The following CPAMD8 variants were observed in gnomAD, a reference collection of about 807,000 sequenced individuals.
The protein encoded by CPAMD8 is C3 and PZP-like alpha-2-macroglobulin domain-containing protein 8.
In CPAMD8, 146 loss-of-function variants were observed where a neutral mutation model predicts 224.7. The ratio of observed to expected loss-of-function variants is 0.65; its 90% CI spans 0.57 to 0.75. CPAMD8 has a LOEUF of 0.75. CPAMD8 is among the 30% of genes least tolerant of loss of function. CPAMD8 has a pLI of 0.00. For missense variants in CPAMD8, 2,301 were observed against 2,537.5 expected, an observed-to-expected ratio of 0.91 and a Z score of 2.00; for synonymous variants, 966 against 1,044.6, an observed-to-expected ratio of 0.92 and a Z score of 1.45.
chr19:16,968,174 C>T (rs1163736534), intron 18 of CPAMD8, among the ~76,000 whole-genome samples: 1 of 152,040 alleles, frequency 6.6e-6, no homozygotes, highest in African/African-American at 2.4e-5. Flanking sequence ...GGCCCTGGGG[C>T]CAGCATTCCA....
intron 7 of CPAMD8, among the ~76,000 whole-genome samples, chr19:17,006,743 CTTCT>C (rs1264114557): frequency 6.6e-6 from 1 of 152,042 alleles, no homozygotes; most frequent in Non-Finnish European, 1.5e-5. Context: ...TCCCCCGTTC[CTTCT>C]TTGTTGCTGA....
intron 18 of CPAMD8, among the ~76,000 whole-genome samples, chr19:16,970,097 C>T (rs1439194108): frequency 2.7e-5 from 4 of 147,112 alleles, no homozygotes; most frequent in Non-Finnish European, 4.5e-5. Flanking sequence ...AAAAAATTAG[C>T]GGGGTGTGGC....
intron 3 of CPAMD8, among the ~76,000 whole-genome samples, chr19:17,016,477 T>C (rs904614215): frequency 2.0e-5 from 3 of 152,148 alleles, no homozygotes; most frequent in African/African-American, 7.2e-5. Context: ...AAAGCAGATC[T>C]AGGCTGGGTG....
At chr19:16,943,777 A>C (rs2053982639) in intron 22 of CPAMD8, among the ~76,000 whole-genome samples, 3 of 152,134 alleles carry the variant, frequency 2.0e-5, no homozygotes, top group Non-Finnish European at 4.4e-5. Flanking sequence ...GCCAGATACC[A>C]TGAGAGGCTT....
intron 5 of CPAMD8, among the ~76,000 whole-genome samples, chr19:17,010,242 GT>G (rs1334425431): frequency 1.3e-5 from 2 of 149,894 alleles, no homozygotes; most frequent in African/African-American, 4.9e-5. Flanking sequence ...TTGGTTTTTC[GT>G]TTTTTGTAGA....
At position 16,898,139 on chromosome 19, in the gene CPAMD8, C is replaced by CT; in HGVS notation, c.4849-146dup. 3 of 584,974 alleles carry CT rather than the reference C, an allele frequency of 5.1e-6. No homozygotes were observed. Among genetic ancestry groups the CT allele is most frequent in the South Asian group, 2.2e-5 (1 of 46,292 alleles). 36.2% of individuals were successfully genotyped at this position (584,974 alleles called of 1,614,324 possible). ...GATCCCATTTTCTTTTTTTCTTTTA[C>CT]TTTTCTTTTTTTTTTTTTTTCCTGA... On this transcript the variant is annotated intron_variant, in intron 37 of 41. Coordinates refer to ENST00000443236, the MANE Select transcript of CPAMD8 (RefSeq NM_015692.5). This position sits in a 1 kb window ranked among gnomAD's most constrained non-coding sequence, Gnocchi z 4.2.
At chr19:17,025,673 T>TC (rs1234587948) in intron 1 of CPAMD8, among the ~76,000 whole-genome samples, 3 of 151,190 alleles carry the variant, frequency 2.0e-5, no homozygotes, top group Admixed American at 6.6e-5. Flanking sequence ...GAGACAAAAA[T>TC]CCCCCCCAGG....
rs1585159 is a variant in CPAMD8, at chr19:16,935,327, A to T, written c.2845+3068T>A. On this transcript the variant is annotated intron_variant, in intron 23 of 41. Transcript: ENST00000443236. ...TTTTATCACATATGTAGGTACACGA[A>T]TCCACTACCACAGTCAAGGTACTAA... Among the ~76,000 whole-genome samples, 417 of 152,262 alleles carry T rather than the reference A, an allele frequency of 2.7e-3. 2 individuals are homozygous for T. The highest frequency in any genetic ancestry group is 9.8e-3 in the African/African-American group (406 of 41,558).
chr19:16,946,995 C>G, intron 21 of CPAMD8, 79 bp downstream of exon 21: 1 of 1,450,790 alleles, frequency 6.9e-7, no homozygotes, highest in East Asian at 2.4e-5. Context: ...ATCCACCCCT[C>G]ATCCCCAACT....
At chr19:16,947,555 C>T (rs549960157) in intron 20 of CPAMD8, among the ~76,000 whole-genome samples, 1 of 152,314 alleles carries the variant, frequency 6.6e-6, no homozygotes, top group Admixed American at 6.5e-5. Flanking sequence ...CATGTCCATC[C>T]ACTCCGGGAC....
chr19:16,896,601 G>C lies in CPAMD8; in HGVS notation c.5130C>G (p.Cys1710Trp), dbSNP rs2052005085. The change falls in exon 40 of 42, where the codon TGC (cysteine) becomes TGG (tryptophan). Residue 1710 changes from cysteine to tryptophan, a missense_variant. Physicochemically the swap from Cys to Trp is radical, Grantham distance 215 (BLOSUM62 -2). Coordinates refer to ENST00000443236, the MANE Select transcript of CPAMD8 (RefSeq NM_015692.5). ...GGGCGCCGCAGTCGTGGTCGCAGCCGCATCGCGCGATCGCCGCCCCCTCCT... is the reference window on the plus strand; with the variant it reads ...GGGCGCCGCAGTCGTGGTCGCAGCCCCATCGCGCGATCGCCGCCCCCTCCT... ...APEEGAAIARCGCDHDCGAQG... is the reference protein window; with the variant it reads ...APEEGAAIARWGCDHDCGAQG... The C allele has an allele frequency of 1.3e-6, 2 of 1,506,180 alleles. No homozygotes were observed. Among genetic ancestry groups the C allele is most frequent in the Non-Finnish European group, 1.8e-6 (2 of 1,133,256 alleles). The allele number at this position is 1,506,180 out of a possible 1,614,324, so 93.3% of individuals were successfully genotyped here.
chr19:16,904,176 A>AGGCCCCCCCCCCCCCCCCCCC, intron 32 of CPAMD8, 50 bp downstream of exon 32: 1 of 937,334 alleles, frequency 1.1e-6, no homozygotes, highest in Non-Finnish European at 1.7e-6. Flanking sequence ...GACTGCAGGG[A>AGGCCCCCCCCCCCCCCCCCCC]CCCCACCCAC....
At chr19:16,933,368 G>C (rs1384573541) in intron 23 of CPAMD8, among the ~76,000 whole-genome samples, 1 of 152,086 alleles carries the variant, frequency 6.6e-6, no homozygotes, top group Non-Finnish European at 1.5e-5. Flanking sequence ...CTTCTCAAAA[G>C]ATATAATTAA....
At chr19:16,902,331 A>C (rs1454865743) in intron 35 of CPAMD8, among the ~76,000 whole-genome samples, 1 of 152,128 alleles carries the variant, frequency 6.6e-6, no homozygotes, top group East Asian at 1.9e-4. Context: ...CCTGGCCAAC[A>C]TGGTGAAACC....
intron 36 of CPAMD8, 127 bp downstream of exon 36, chr19:16,901,083 G>C (rs1192955172): frequency 1.7e-6 from 1 of 604,926 alleles, no homozygotes; most frequent in Admixed American, 3.2e-5. Flanking sequence ...GAGAGGGAGA[G>C]GGAAGAAAAG....
At chr19:16,964,675 C>T (rs2054767378) in intron 18 of CPAMD8, among the ~76,000 whole-genome samples, 1 of 152,192 alleles carries the variant, frequency 6.6e-6, no homozygotes, top group African/African-American at 2.4e-5. Context: ...GGAATCCTCC[C>T]TAACTCATTT....
Position 16,899,630 on chromosome 19 carries a change from G to A in CPAMD8, c.4774-81C>T. ...ATCCCCTGGGGGCAGTGGTCAGTGG[G>A]ATGCTTGGACTTGCCCACAAGTTAC... On this transcript the variant is annotated intron_variant, in intron 36 of 41. Coordinates refer to ENST00000443236, the MANE Select transcript of CPAMD8 (RefSeq NM_015692.5). The surrounding 1 kb of genome is among the most constrained non-coding windows in gnomAD (Gnocchi z 5.4). 2 of 774,398 alleles carry A rather than the reference G, an allele frequency of 2.6e-6. No individual in the cohort carries two copies. Among genetic ancestry groups the A allele is most frequent in the South Asian group, 2.8e-5 (2 of 72,602 alleles). 48.0% of individuals were successfully genotyped at this position (774,398 alleles called of 1,614,324 possible). A position where few individuals can be genotyped will look rare whatever the true frequency, so the allele number is the denominator to read the frequency against.
rs535243275 is a variant in CPAMD8 at position 16,930,625 on chromosome 19, C to T, written c.2846-1385G>A. On this transcript the variant is annotated intron_variant, in intron 23 of 41. Coordinates refer to ENST00000443236, the MANE Select transcript of CPAMD8 (RefSeq NM_015692.5). Reference sequence around the variant, plus strand: ...GAAAGGGTGAGTGAACCCCCGTGGTCCCCATTCCCACCGTGGACTCTAGCA... The same window carrying T: ...GAAAGGGTGAGTGAACCCCCGTGGTTCCCATTCCCACCGTGGACTCTAGCA... Among the ~76,000 whole-genome samples, 3 of 152,216 alleles carry T rather than the reference C, an allele frequency of 2.0e-5. No homozygotes were observed. The South Asian group carries it at 6.2e-4, about 32-fold the overall frequency.
Position 16,991,854 on chromosome 19 carries a change from C to A in CPAMD8, c.1266+1562G>T, listed in dbSNP as rs375524949. On this transcript the variant is annotated intron_variant, in intron 12 of 41. Transcript: ENST00000443236. ...TGGGCGACAGAGCAAGACTCTGTAT[C>A]AAAAAAAAAAAACAACAGAACAGTG... Among the ~76,000 whole-genome samples, 21 of 144,610 alleles carry A rather than the reference C, an allele frequency of 1.5e-4. No homozygotes were observed. In the East Asian group the frequency reaches 3.6e-3, roughly 25 times the overall value. 94.9% of individuals were successfully genotyped at this position (144,610 alleles called of 152,430 possible).
Sources: gnomAD v4.1 joint callset for allele counts (sites outside exome capture counted in the v4.1 genomes callset) on GRCh38, gnomAD v4.1.1 for gene constraint, Gnocchi (gnomAD v3.1) non-coding constraint, MANE v1.5 for transcripts, NCBI Gene and HGNC (gene_info 2026-07-23, HGNC 2026-07-21) for gene names.